The following LIX1 variants were observed in gnomAD, a reference collection of about 807,000 sequenced individuals.
LIX1 encodes protein limb expression 1 homolog.
In LIX1, 24 loss-of-function variants were observed where a neutral mutation model predicts 33.4. The ratio of observed to expected loss-of-function variants is 0.72; its 90% confidence interval spans 0.52 to 1.01. The LOEUF is 1.01. Among genes scored for constraint, LIX1 ranks in the 50% least tolerant of loss-of-function variants. The probability of loss-of-function intolerance (pLI) is 0.00; values close to 1 mark genes in which losing one functional copy is unlikely to be tolerated. For synonymous variants in LIX1, 124 were observed against 124.0 expected (o/e 1.00, Z 0.00); for missense variants, 311 against 339.2 (o/e 0.92, Z 0.65).
intron 4 of LIX1, among the ~76,000 whole-genome samples, chr5:97,098,607 G>C (rs944746691): frequency 3.3e-5 from 5 of 152,190 alleles, no homozygotes; most frequent in African/African-American, 7.2e-5. Context: ...GCTTTTAGCT[G>C]GGCACGGTGG....
chr5:97,113,145 A>G (rs577311683), intron 2 of LIX1, among the ~76,000 whole-genome samples: 52 of 152,350 alleles, frequency 3.4e-4, no homozygotes, highest in African/African-American at 1.2e-3. Flanking sequence ...AAAGGCATAC[A>G]TGGCAGATAA....
At chr5:97,127,002 T>C (rs1382270687) in intron 1 of LIX1, among the ~76,000 whole-genome samples, 1 of 152,198 alleles carries the variant, frequency 6.6e-6, no homozygotes, top group East Asian at 1.9e-4. Context: ...TTTTCTAAAC[T>C]ATTATTTCTG....
chr5:97,107,997 T>C (rs1234166258), intron 2 of LIX1, among the ~76,000 whole-genome samples: 1 of 152,172 alleles, frequency 6.6e-6, no homozygotes. Flanking sequence ...GGTTCATTAG[T>C]CTCTCTGCAC....
At chr5:97,106,017 T>C (rs1747000850) in intron 3 of LIX1, among the ~76,000 whole-genome samples, 1 of 152,256 alleles carries the variant, frequency 6.6e-6, no homozygotes, top group Non-Finnish European at 1.5e-5. Flanking sequence ...AGCAAATTTA[T>C]AGCTTTTGAA....
chr5:97,100,076 G>A (rs1037448600), intron 4 of LIX1, among the ~76,000 whole-genome samples: 1 of 151,962 alleles, frequency 6.6e-6, no homozygotes, highest in Non-Finnish European at 1.5e-5. Flanking sequence ...TCTTCCTCTG[G>A]GGTCTTCTGG....
chr5:97,134,442 C>T lies in LIX1; in HGVS notation c.82+8053G>A, dbSNP rs539674533. Among the ~76,000 whole-genome samples, 30 of 152,286 alleles carry T rather than the reference C, an allele frequency of 2.0e-4. 1 individual carries two copies. The highest frequency in any genetic ancestry group is 1.6e-3 in the Admixed American group (25 of 15,288). ...GCAGCCATATTTCTAAATTGATTAT[C>T]TACCTCTGAACAGATGGATTTATGT... On this transcript the variant is annotated intron_variant, in intron 1 of 5. Coordinates refer to ENST00000274382, the MANE Select transcript of LIX1 (RefSeq NM_153234.5).
At chr5:97,118,059 G>A (rs1747681222) in intron 2 of LIX1, among the ~76,000 whole-genome samples, 1 of 152,174 alleles carries the variant, frequency 6.6e-6, no homozygotes, top group Admixed American at 6.5e-5. Context: ...TTTCTGGGAA[G>A]CCATTTTAAC....
rs149564832 is a variant in LIX1, at chr5:97,134,416, G to A, written c.82+8079C>T. On this transcript the variant is annotated intron_variant, in intron 1 of 5. Coordinates refer to ENST00000274382, the MANE Select transcript of LIX1 (RefSeq NM_153234.5). ...ATTATAGGCGTGAGCCACCGTGCCC[G>A]GCAGCCATATTTCTAAATTGATTAT... Among the ~76,000 whole-genome samples the A allele has an allele frequency of 5.0e-3, 758 of 152,276 alleles. 2 individuals are homozygous for A. Among genetic ancestry groups the A allele is most frequent in the Non-Finnish European group, 8.1e-3 (550 of 68,022 alleles).
chr5:97,129,986 A>G (rs73778004), intron 1 of LIX1, among the ~76,000 whole-genome samples: 1,700 of 152,370 alleles, frequency 0.011, 24 homozygotes, highest in African/African-American at 0.039. Flanking sequence ...AACAAGTCAT[A>G]TGACATGTTT....
intron 1 of LIX1, among the ~76,000 whole-genome samples, chr5:97,128,929 C>CG (rs1747993363): frequency 6.6e-6 from 1 of 152,136 alleles, no homozygotes; most frequent in Non-Finnish European, 1.5e-5. Context: ...CCACTGTTTC[C>CG]GGGGTAATAT....
At chr5:97,130,446 C>T (rs316205) in intron 1 of LIX1, among the ~76,000 whole-genome samples, 68,686 of 152,078 alleles carry the variant, frequency 0.45, 16,168 homozygotes, top group African/African-American at 0.58. Context: ...GATAAATCAG[C>T]CATACAGCGA....
chr5:97,123,839 C>A (rs564818981), intron 2 of LIX1, among the ~76,000 whole-genome samples: 1 of 152,184 alleles, frequency 6.6e-6, no homozygotes, highest in Middle Eastern at 3.4e-3. Flanking sequence ...TCATTTTTTC[C>A]CTTTCCCATT....
chr5:97,112,309 A>C (rs1293954136), intron 2 of LIX1, among the ~76,000 whole-genome samples: 1 of 152,338 alleles, frequency 6.6e-6, no homozygotes, highest in East Asian at 1.9e-4. Context: ...AGTTACTATC[A>C]AACAGTGGGA....
chr5:97,120,945 T>A (rs1424996696), intron 2 of LIX1, among the ~76,000 whole-genome samples: 2 of 152,214 alleles, frequency 1.3e-5, no homozygotes, highest in African/African-American at 4.8e-5. Flanking sequence ...ATTTATATAG[T>A]ATTCTTATAT....
At chr5:97,115,051 CTTAACTAACTGAGGTCTCAA>C (rs1276524188) in intron 2 of LIX1, among the ~76,000 whole-genome samples, 7 of 152,164 alleles carry the variant, frequency 4.6e-5, no homozygotes, top group Non-Finnish European at 8.8e-5. Flanking sequence ...GCACTACTGA[CTTAACTAACTGAGGTCTCAA>C]TTTCACTTCT....
In LIX1 at chr5:97,107,451, AG is replaced by A. The variant is rs1747115215; in HGVS notation, c.295del (p.Leu99Ter). 3 of 1,613,538 alleles carry A rather than the reference AG, an allele frequency of 1.9e-6. No homozygotes were observed. Among genetic ancestry groups the A allele is most frequent in the Non-Finnish European group, 8.5e-7 (1 of 1,180,018 alleles). On this transcript the variant is annotated frameshift_variant, in exon 3 of 6. Transcript: ENST00000274382. LOFTEE classifies it high-confidence loss of function. The part of the protein sequence containing the change: ...EARRDAAKVA[L>X]INSLFNELPS... Reference sequence around the variant, plus strand: ...CAGCTCATTGAAGAGGGAGTTGATCAGGGCCACTTTAGCTGCATCCCGCCTG... The same window carrying A: ...CAGCTCATTGAAGAGGGAGTTGATCAGGCCACTTTAGCTGCATCCCGCCTG...
At position 97,133,981 on chromosome 5, in the gene LIX1, GA is replaced by G. The variant is rs967555528; in HGVS notation, c.82+8513del. Among the ~76,000 whole-genome samples, 94 of 151,906 alleles carry G rather than the reference GA, an allele frequency of 6.2e-4. 1 individual carries two copies. Among genetic ancestry groups the G allele is most frequent in the African/African-American group, 2.2e-3 (93 of 41,454 alleles). On this transcript the variant is annotated intron_variant, in intron 1 of 5. Coordinates refer to ENST00000274382, the MANE Select transcript of LIX1 (RefSeq NM_153234.5). ...TTAAAAATCCATTATAAATTTGACA[GA>G]AAAAAAAGAACAAATTTCTTTAAGA...
At chr5:97,115,270 G>A (rs1747604873) in intron 2 of LIX1, among the ~76,000 whole-genome samples, 1 of 152,130 alleles carries the variant, frequency 6.6e-6, no homozygotes, top group Non-Finnish European at 1.5e-5. Flanking sequence ...TCATGTATGT[G>A]TTATAAATAG....
chr5:97,110,229 C>T (rs995095134), intron 2 of LIX1, among the ~76,000 whole-genome samples: 7 of 152,194 alleles, frequency 4.6e-5, no homozygotes, highest in Non-Finnish European at 8.8e-5. Context: ...GATGCTTGTA[C>T]ATGGTGAGTG....
Sources: allele counts gnomAD v4.1 joint callset (sites outside exome capture counted in the v4.1 genomes callset), GRCh38; gene constraint gnomAD v4.1.1; transcripts MANE v1.5; gene names NCBI Gene and HGNC (gene_info 2026-07-23, HGNC 2026-07-21).